DNMT1: variants seen among roughly 807,000 people sequenced by gnomAD.
DNMT1 encodes DNA methyltransferase 1, also known as DNA (cytosine-5)-methyltransferase 1.
In DNMT1, 24 loss-of-function variants were observed where a neutral mutation model predicts 205.3. That is an observed-to-expected ratio of 0.12 (90% CI 0.08 to 0.16). DNMT1 has a LOEUF of 0.16. Ranked by LOEUF, DNMT1 falls within the 10% of genes least tolerant of loss-of-function variation. The pLI, the probability that DNMT1 is intolerant of heterozygous loss-of-function variation, is 1.00. For missense variants in DNMT1, 1,293 were observed against 2,177.7 expected (o/e 0.59, Z 8.09); for synonymous variants, 817 against 839.8 (o/e 0.97, Z 0.47).
chr19:10,143,710 G>A, intron 29 of DNMT1, 56 bp downstream of exon 29: 1 of 1,594,842 alleles, frequency 6.3e-7, no homozygotes, highest in Non-Finnish European at 8.6e-7. Context: ...CTTGTTTCAG[G>A]CAGAGCCTTC....
intron 29 of DNMT1, chr19:10,142,697 G>A (rs147486466): frequency 4.4e-4 from 78 of 177,646 alleles, no homozygotes; most frequent in African/African-American, 1.9e-3. Flanking sequence ...CAGTTAGGGA[G>A]TCATAGGGTA....
At chr19:10,149,992 T>C (rs1426981747) in intron 24 of DNMT1, 24 bp from the exon 25 acceptor site, 2 of 1,604,814 alleles carry the variant, frequency 1.2e-6, no homozygotes, top group African/African-American at 1.3e-5. Context: ...CATAAGTTCA[T>C]GGAGGATCAT....
At chr19:10,153,367 C>T (rs1470459509) in intron 22 of DNMT1, among the ~76,000 whole-genome samples, 1 of 152,166 alleles carries the variant, frequency 6.6e-6, no homozygotes, top group Non-Finnish European at 1.5e-5. Context: ...GGCACAGTGG[C>T]TCACACCTGT....
intron 24 of DNMT1, 58 bp from the exon 25 acceptor site, chr19:10,150,026 A>C: frequency 2.8e-6 from 4 of 1,432,656 alleles, no homozygotes; most frequent in Non-Finnish European, 3.9e-6. Context: ...GCTGGCCTTG[A>C]CTTGCATGGT....
At position 10,175,451 on chromosome 19, in the gene DNMT1, T is replaced by C. The variant is rs1022649219; in HGVS notation, c.648+89A>G. 2.0e-6 allele frequency: 3 copies of C among 1,516,732 alleles called. No homozygotes were observed. The African/African-American group carries it at 4.1e-5, about 21-fold the overall frequency. 94.0% of individuals were successfully genotyped at this position (1,516,732 alleles called of 1,614,324 possible). On this transcript the variant is annotated intron_variant, in intron 7 of 40. Coordinates refer to ENST00000359526, the MANE Select transcript of DNMT1 (RefSeq NM_001130823.3). ...CTAAATAGAGCCCTAGACAGGGTTT[T>C]TATTTACTTGGACAGAACACATATG...
intron 30 of DNMT1, 105 bp from the exon 31 acceptor site, chr19:10,141,294 G>C: frequency 2.6e-6 from 3 of 1,173,204 alleles, no homozygotes; most frequent in Non-Finnish European, 3.8e-6. Context: ...TTCTCCCTCA[G>C]TGGGGCCATG....
chr19:10,171,761 AG>A (rs1454266098), intron 9 of DNMT1, among the ~76,000 whole-genome samples: 1 of 151,812 alleles, frequency 6.6e-6, no homozygotes, highest in Non-Finnish European at 1.5e-5. Context: ...GCGGAGATCA[AG>A]CCACTGCACT....
chr19:10,159,742 T>C lies in DNMT1; in HGVS notation c.1196A>G (p.Asn399Ser), dbSNP rs1599371457. 10 of 1,614,228 alleles carry C rather than the reference T, an allele frequency of 6.2e-6. No homozygotes were observed. Among genetic ancestry groups the C allele is most frequent in the Non-Finnish European group, 8.5e-6 (10 of 1,180,038 alleles). Residue 399 changes from asparagine (N) to serine (S), a missense_variant, in exon 17 of 41, where the codon AAT (asparagine) becomes AGT (serine). Physicochemically the swap from Asn to Ser is conservative, Grantham distance 46 (BLOSUM62 1). Transcript: ENST00000359526. This position sits in a 1 kb window ranked among gnomAD's most constrained non-coding sequence, Gnocchi z 5.0. Reference protein sequence around the residue: ...DAVDEPQMLTNEKLSIFDANE... With the variant: ...DAVDEPQMLTSEKLSIFDANE... ...GGCATCAAAGATGGACAGCTTCTCA[T>C]TTGTCAGCATCTGTGGCTCATCCAC...
intron 11 of DNMT1, among the ~76,000 whole-genome samples, chr19:10,165,038 G>C (rs1240388607): frequency 1.3e-5 from 2 of 148,916 alleles, no homozygotes; most frequent in African/African-American, 4.9e-5. Context: ...GAGATAGGTG[G>C]ATAACTCGAG....
chr19:10,163,090 T>C (rs1475552469), intron 12 of DNMT1: 4 of 576,368 alleles, frequency 6.9e-6, no homozygotes, highest in Non-Finnish European at 9.2e-6. Flanking sequence ...GCCTTCCGAG[T>C]AGCTGGGATT....
chr19:10,194,156 G>A (rs143728008), intron 1 of DNMT1, among the ~76,000 whole-genome samples: 110 of 152,310 alleles, frequency 7.2e-4, no homozygotes, highest in African/African-American at 2.4e-3. Context: ...CGGGCCCTGC[G>A]CTGCAATGCA....
At chr19:10,166,740 C>T (rs2038703271) in intron 10 of DNMT1, 55 bp from the exon 11 acceptor site, 2 of 1,587,580 alleles carry the variant, frequency 1.3e-6, no homozygotes, top group African/African-American at 1.3e-5. Flanking sequence ...GGGCCCTGCA[C>T]CGGGGCCAAC....
Position 10,140,316 on chromosome 19 carries a change from G to A in DNMT1, c.3536C>T (p.Thr1179Met), listed in dbSNP as rs764541314. 2.0e-5 allele frequency: 32 copies of A among 1,613,708 alleles called. No homozygotes were observed. Among genetic ancestry groups the A allele is most frequent in the African/African-American group, 1.1e-4 (8 of 74,910 alleles). Residue 1179 changes from threonine (T) to methionine (M), a missense_variant, in exon 33 of 41, where the codon ACG (threonine) becomes ATG (methionine). Physicochemically the swap from Thr to Met is moderately conservative, Grantham distance 81. Coordinates refer to ENST00000359526, the MANE Select transcript of DNMT1 (RefSeq NM_001130823.3). This position sits in a 1 kb window ranked among gnomAD's most constrained non-coding sequence, Gnocchi z 8.4. The stretch of plus-strand genomic sequence containing the variant: ...GTCCCACATCTCGATGGCCCACAGC[G>A]TGTCAGAGATGCCTGGCAGATCAAG... ...EGFHQAGISD[T>M]LWAIEMWDPA...
At chr19:10,134,428 G>A (rs954637263) in intron 39 of DNMT1, 121 bp from the exon 40 acceptor site, 6 of 897,328 alleles carry the variant, frequency 6.7e-6, no homozygotes, top group African/African-American at 6.6e-5. Context: ...CCTTGGGGAA[G>A]GGTTCTGGTC....
intron 9 of DNMT1, among the ~76,000 whole-genome samples, chr19:10,172,167 G>C (rs899069591): frequency 1.3e-4 from 20 of 152,070 alleles, no homozygotes; most frequent in African/African-American, 4.8e-4. Context: ...TATAATCCCA[G>C]CACTTTGGGA....
intron 1 of DNMT1, among the ~76,000 whole-genome samples, chr19:10,182,604 A>G (rs1038104790): frequency 1.3e-5 from 2 of 150,390 alleles, no homozygotes; most frequent in African/African-American, 2.4e-5. Flanking sequence ...GTGTGTATAT[A>G]TGTATGTATA....
At chr19:10,155,771 C>A in intron 19 of DNMT1, 82 bp downstream of exon 19, 1 of 1,448,292 alleles carries the variant, frequency 6.9e-7, no homozygotes, top group South Asian at 1.2e-5. Flanking sequence ...GAATTCCCAC[C>A]AGAGCCCCGT....
chr19:10,188,193 C>T (rs977785496), intron 1 of DNMT1, among the ~76,000 whole-genome samples: 7 of 152,104 alleles, frequency 4.6e-5, no homozygotes, highest in Admixed American at 1.3e-4. Flanking sequence ...TTCTTCAGGC[C>T]GGCTGCATGG....
At position 10,143,978 on chromosome 19, in the gene DNMT1, C is replaced by A. The variant is rs746458713; in HGVS notation, c.2904G>T (p.Leu968=). The A allele has an allele frequency of 1.3e-5, 21 of 1,613,726 alleles. No homozygotes were observed. The Middle Eastern group carries it at 5.1e-4, about 39-fold the overall frequency. Reference sequence around the variant, plus strand: ...TCCGTGGGCGTTTCACGGGACTGGACAGCTTGATGCTGCAGAGAAGCACCC... The same window carrying A: ...TCCGTGGGCGTTTCACGGGACTGGAAAGCTTGATGCTGCAGAGAAGCACCC... ...PPEAFTFNIK[L]SSPVKRPRKE... Residue 968 remains leucine, a synonymous_variant, in exon 29 of 41, where the codon CTG becomes CTT. Coordinates refer to ENST00000359526, the MANE Select transcript of DNMT1 (RefSeq NM_001130823.3).
Sources: gnomAD v4.1 joint callset for allele counts (sites outside exome capture counted in the v4.1 genomes callset) on GRCh38, gnomAD v4.1.1 for gene constraint, Gnocchi (gnomAD v3.1) non-coding constraint, MANE v1.5 for transcripts, NCBI Gene and HGNC (gene_info 2026-07-23, HGNC 2026-07-21) for gene names.